Variants in WDPCP observed in about 807,000 individuals in gnomAD.
WDPCP encodes the protein WD repeat-containing and planar cell polarity effector protein fritz homolog.
A neutral mutation model predicts 93.1 loss-of-function variants in WDPCP; 71 were observed. That is an observed-to-expected ratio of 0.76 (90% CI 0.63 to 0.93). WDPCP has a LOEUF of 0.93. Ranked by LOEUF, WDPCP falls within the 40% of genes least tolerant of loss-of-function variation. WDPCP has a pLI of 0.00. For missense variants in WDPCP, 844 were observed against 887.4 expected (o/e 0.95, Z 0.62); for synonymous variants, 315 against 315.0 (o/e 1.00, Z 0.00).
intron 2 of WDPCP, among the ~76,000 whole-genome samples, chr2:63,807,412 T>G (rs1670784836): frequency 6.6e-6 from 1 of 152,194 alleles, no homozygotes; most frequent in Admixed American, 6.5e-5. Context: ...TCTTGCCATG[T>G]GATGTGCCTG....
In WDPCP at chr2:63,575,406, TACAGTATATAC is replaced by T. The variant is rs1707899121; in HGVS notation, c.75+12780_75+12790del. 2.4e-5 allele frequency among the ~76,000 whole-genome samples: 2 copies of T among 84,490 alleles called. 1 individual carries two copies. Among genetic ancestry groups the T allele is most frequent in the South Asian group, 7.0e-4 (2 of 2,842 alleles). 55.4% of individuals were successfully genotyped at this position (84,490 alleles called of 152,430 possible). ...ATATACACGGTATATACAGTATATA[TACAGTATATAC>T]ACTGTATACAGTGTATATACAGTGT... On this transcript the variant is annotated intron_variant, in intron 1 of 17. Coordinates refer to ENST00000272321, the MANE Select transcript of WDPCP (RefSeq NM_015910.7).
intron 2 of WDPCP, among the ~76,000 whole-genome samples, chr2:63,777,124 A>G (rs890010300): frequency 6.6e-6 from 1 of 152,216 alleles, no homozygotes; most frequent in Non-Finnish European, 1.5e-5. Flanking sequence ...TATCCTAAGT[A>G]CCATGATTTG....
rs1669447905 is a variant in WDPCP at position 63,119,588 on chromosome 2, A to G, written c.*2418T>C. On this transcript the variant is annotated 3_prime_UTR_variant, in exon 18 of 18. Coordinates refer to ENST00000272321, the MANE Select transcript of WDPCP (RefSeq NM_015910.7). ...CATTCCAAGCAAAGTTTATTCTAGC[A>G]ATAAGACACAATGTGACAGCTAATA... is the stretch of plus-strand genomic sequence containing the variant. 6.6e-6 allele frequency: 1 copy of G among 152,248 alleles called. No individual in the cohort carries two copies. The highest frequency in any genetic ancestry group is 1.5e-5 in the Non-Finnish European group (1 of 68,032). The allele number at this position is 152,248 out of a possible 1,614,324, so 9.4% of individuals were successfully genotyped here.
At chr2:63,428,157 A>G (rs1209892942) in intron 9 of WDPCP, among the ~76,000 whole-genome samples, 1 of 150,874 alleles carries the variant, frequency 6.6e-6, no homozygotes, top group Non-Finnish European at 1.5e-5. Flanking sequence ...AAAAAGAAGA[A>G]CTGGTACCAA....
At chr2:63,224,504 C>T (rs768163588) in intron 14 of WDPCP, among the ~76,000 whole-genome samples, 1 of 151,846 alleles carries the variant, frequency 6.6e-6, no homozygotes, top group Non-Finnish European at 1.5e-5. Flanking sequence ...GTTCTTCAGT[C>T]GATGACTAGA....
chr2:63,153,249 T>C (rs929379471), intron 16 of WDPCP: 1 of 563,766 alleles, frequency 1.8e-6, no homozygotes. Flanking sequence ...AGCCCAGATC[T>C]ACTGAATCAG....
At chr2:63,498,338 A>G (rs900574074) in intron 1 of WDPCP, among the ~76,000 whole-genome samples, 1 of 152,228 alleles carries the variant, frequency 6.6e-6, no homozygotes, top group Non-Finnish European at 1.5e-5. Flanking sequence ...ATTTAGAATG[A>G]CTGCTCTTTT....
At chr2:63,230,899 T>C (rs1470855452) in intron 14 of WDPCP, among the ~76,000 whole-genome samples, 1 of 152,208 alleles carries the variant, frequency 6.6e-6, no homozygotes, top group Admixed American at 6.5e-5. Flanking sequence ...TTCACTCTGA[T>C]GGTAGTTTCT....
chr2:63,261,407 T>C (rs1393079125), intron 13 of WDPCP, among the ~76,000 whole-genome samples: 2 of 152,140 alleles, frequency 1.3e-5, no homozygotes. Context: ...AATAGAATTC[T>C]AAAAATGCCT....
At chr2:63,674,576 T>C (rs1252928576) in intron 2 of WDPCP, among the ~76,000 whole-genome samples, 2 of 152,176 alleles carry the variant, frequency 1.3e-5, no homozygotes, top group African/African-American at 2.4e-5. Flanking sequence ...CTTCAATATG[T>C]ATAAAGTTTC....
At chr2:63,531,082 G>T (rs1279565749) in intron 1 of WDPCP, among the ~76,000 whole-genome samples, 1 of 152,240 alleles carries the variant, frequency 6.6e-6, no homozygotes, top group Non-Finnish European at 1.5e-5. Context: ...ACGGCGCCTT[G>T]CTCACTGCTA....
In WDPCP at chr2:63,599,574, C is replaced by T. The variant is rs531934027; in HGVS notation, n.488+51085G>A. 8 of 215,884 alleles carry T rather than the reference C, an allele frequency of 3.7e-5. No individual in the cohort carries two copies. The East Asian group carries it at 1.0e-3, about 28-fold the overall frequency. The allele number at this position is 215,884 out of a possible 1,614,324, so 13.4% of individuals were successfully genotyped here. A position where few individuals can be genotyped will look rare whatever the true frequency, so the allele number is the denominator to read the frequency against. ...TGCAGTTACTAATGTTCTCTTGTTA[C>T]AGTGGTTAAAAATTAGTTATACATG... On this transcript the variant is annotated intron_variant and non_coding_transcript_variant, in intron 3 of 4. Coordinates refer to the WDPCP transcript ENST00000467687.
chr2:63,801,344 C>T (rs913837339), intron 2 of WDPCP, among the ~76,000 whole-genome samples: 2 of 152,124 alleles, frequency 1.3e-5, no homozygotes, highest in East Asian at 1.9e-4. Context: ...CCAGTGGGTT[C>T]GTGGTCTCGC....
chr2:63,411,205 A>C (rs1185839787), intron 9 of WDPCP, among the ~76,000 whole-genome samples: 1 of 152,220 alleles, frequency 6.6e-6, no homozygotes, highest in Non-Finnish European at 1.5e-5. Flanking sequence ...ACAGTAGAAC[A>C]AAACTAAAAT....
chr2:63,408,726 A>C (rs556591474), intron 9 of WDPCP, among the ~76,000 whole-genome samples: 6 of 152,266 alleles, frequency 3.9e-5, no homozygotes, highest in African/African-American at 9.6e-5. Context: ...TGAGAGTGAG[A>C]CAGGCCCTTT....
chr2:63,807,292 T>C (rs1200027876), intron 2 of WDPCP, among the ~76,000 whole-genome samples: 2 of 152,214 alleles, frequency 1.3e-5, no homozygotes, highest in African/African-American at 4.8e-5. Context: ...CCCTCATGAA[T>C]GGCTTAGCGC....
intron 2 of WDPCP, among the ~76,000 whole-genome samples, chr2:63,812,943 T>G (rs893350714): frequency 1.3e-5 from 2 of 151,756 alleles, no homozygotes; most frequent in Non-Finnish European, 2.9e-5. Flanking sequence ...AGTGGTTCAG[T>G]CTAGGCTCAA....
At chr2:63,761,654 G>T (rs1261450253) in intron 2 of WDPCP, among the ~76,000 whole-genome samples, 1 of 152,076 alleles carries the variant, frequency 6.6e-6, no homozygotes, top group Non-Finnish European at 1.5e-5. Flanking sequence ...GGAGGTTAGG[G>T]CAGTCTCTCT....
chr2:63,748,794 G>A (rs1040639532), intron 2 of WDPCP, among the ~76,000 whole-genome samples: 5 of 151,962 alleles, frequency 3.3e-5, no homozygotes, highest in African/African-American at 1.2e-4. Context: ...ATTTTGTTGT[G>A]TTTTTGTTGT....
Sources: gnomAD v4.1 joint callset for allele counts (sites outside exome capture counted in the v4.1 genomes callset) on GRCh38, gnomAD v4.1.1 for gene constraint, MANE v1.5 for transcripts, NCBI Gene and HGNC (gene_info 2026-07-23, HGNC 2026-07-21) for gene names.